Variants in TMEM178B observed in about 807,000 individuals in gnomAD.
TMEM178B encodes the protein transmembrane protein 178B.
In TMEM178B, 5 loss-of-function variants were observed where a neutral mutation model predicts 31.0. That is an observed-to-expected ratio of 0.16 (90% CI 0.08 to 0.34). TMEM178B has a LOEUF of 0.34. TMEM178B is among the 10% of genes least tolerant of loss of function. TMEM178B has a pLI of 1.00. For synonymous variants in TMEM178B, 164 were observed against 164.0 expected, an observed-to-expected ratio of 1.00 and a Z score of 0.00; for missense variants, 275 against 400.3, an observed-to-expected ratio of 0.69 and a Z score of 2.67.
chr7:141,203,418 G>A (rs1465462821), intron 1 of TMEM178B, among the ~76,000 whole-genome samples: 4 of 152,182 alleles, frequency 2.6e-5, no homozygotes, highest in South Asian at 2.1e-4. Context: ...GAGACCCCAC[G>A]TGGGCTGGAC....
At chr7:141,225,320 G>A (rs1797324014) in intron 2 of TMEM178B, among the ~76,000 whole-genome samples, 1 of 152,150 alleles carries the variant, frequency 6.6e-6, no homozygotes, top group African/African-American at 2.4e-5. Flanking sequence ...TCTAAAGTAA[G>A]TGAAGAACCC....
At chr7:141,492,729 A>T in the TMEM178B span, among the ~76,000 whole-genome samples, 1 of 152,186 alleles carries the variant, frequency 6.6e-6, no homozygotes, top group Non-Finnish European at 1.5e-5. Context: ...CAACTGCCTG[A>T]TATTAGAGCT....
chr7:141,171,017 T>TACAC lies in TMEM178B; in HGVS notation c.383-41529_383-41526dup, dbSNP rs57427295. ...GTTCAGACTACACATCACACACACA[T>TACAC]ACACACACACACACACACACACACA... On this transcript the variant is annotated intron_variant, in intron 1 of 3. Transcript: ENST00000565468. This position sits in a 1 kb window ranked among gnomAD's most constrained non-coding sequence, Gnocchi z 4.3. Among the ~76,000 whole-genome samples, 9 of 146,050 alleles carry TACAC rather than the reference T, an allele frequency of 6.2e-5. No individual in the cohort carries two copies. Among genetic ancestry groups the TACAC allele is most frequent in the African/African-American group, 2.0e-4 (8 of 39,544 alleles).
chr7:141,467,641 C>A (rs555127571), intron 3 of TMEM178B, among the ~76,000 whole-genome samples: 1 of 152,248 alleles, frequency 6.6e-6, no homozygotes, highest in Admixed American at 6.5e-5. Flanking sequence ...ATTGAAGTCA[C>A]CGAAGTGCCT....
downstream of TMEM178B, among the ~76,000 whole-genome samples, chr7:141,481,092 T>G (rs1802466604): frequency 6.6e-6 from 1 of 152,192 alleles, no homozygotes; most frequent in Non-Finnish European, 1.5e-5. Flanking sequence ...CAGTCACCGC[T>G]GCTGGACTCT....
chr7:141,329,253 A>G (rs1334478659), intron 2 of TMEM178B, among the ~76,000 whole-genome samples: 2 of 152,144 alleles, frequency 1.3e-5, no homozygotes, highest in Non-Finnish European at 2.9e-5. Flanking sequence ...CCACCCCTCA[A>G]ACTCTTCCCA....
At chr7:141,155,512 C>A (rs1431053972) in intron 1 of TMEM178B, among the ~76,000 whole-genome samples, 2 of 152,178 alleles carry the variant, frequency 1.3e-5, no homozygotes, top group Non-Finnish European at 2.9e-5. Context: ...GCTTTTGGTT[C>A]TGAGCTGTTG....
At chr7:141,393,931 A>G (rs1800591522) in intron 2 of TMEM178B, among the ~76,000 whole-genome samples, 1 of 152,218 alleles carries the variant, frequency 6.6e-6, no homozygotes, top group Non-Finnish European at 1.5e-5. Context: ...TCTTTAGACA[A>G]AGGGACAGCT....
chr7:141,470,412 T>C, intron 3 of TMEM178B, 124 bp from the exon 4 acceptor site: 2 of 1,018,674 alleles, frequency 2.0e-6, no homozygotes, highest in East Asian at 2.9e-5. Flanking sequence ...TACCTAGACT[T>C]CCCATTTTTC....
intron 2 of TMEM178B, among the ~76,000 whole-genome samples, chr7:141,279,937 A>G (rs1482186641): frequency 1.3e-5 from 2 of 152,262 alleles, no homozygotes; most frequent in Non-Finnish European, 2.9e-5. Context: ...GTAATACACA[A>G]TACTCTTTCA....
chr7:141,129,806 T>A (rs752212638), intron 1 of TMEM178B, among the ~76,000 whole-genome samples: 2 of 152,000 alleles, frequency 1.3e-5, no homozygotes, highest in African/African-American at 2.4e-5. Context: ...ATTTGAGAAA[T>A]ACATTGGTTT....
Position 141,344,500 on chromosome 7 carries a change from T to G in TMEM178B, c.497-93108T>G, listed in dbSNP as rs1169020552. On this transcript the variant is annotated intron_variant, in intron 2 of 3. Transcript: ENST00000565468. The surrounding 1 kb of genome is among the most constrained non-coding windows in gnomAD (Gnocchi z 4.1). ...AGGCACTCTTTTTACTTTGAAATTT[T>G]TAAAAATGTAATTTTAAGACTTTTT... is the stretch of plus-strand genomic sequence containing the variant. Among the ~76,000 whole-genome samples, 1 of 152,234 alleles carries G rather than the reference T, an allele frequency of 6.6e-6. No homozygotes were observed. Among genetic ancestry groups the G allele is most frequent in the South Asian group, 2.1e-4 (1 of 4,830 alleles).
chr7:141,198,739 A>G (rs974497032), intron 1 of TMEM178B, among the ~76,000 whole-genome samples: 41 of 152,168 alleles, frequency 2.7e-4, no homozygotes, highest in African/African-American at 9.7e-4. Flanking sequence ...TTTCCAGTGA[A>G]AAACCAGATC....
chr7:141,220,008 C>T (rs1051996076), intron 2 of TMEM178B, among the ~76,000 whole-genome samples: 3 of 152,042 alleles, frequency 2.0e-5, no homozygotes, highest in East Asian at 1.9e-4. Flanking sequence ...TTATAGGTAA[C>T]GTAGAGACGC....
chr7:141,452,659 G>A (rs1215553781), intron 3 of TMEM178B, among the ~76,000 whole-genome samples: 9 of 152,014 alleles, frequency 5.9e-5, no homozygotes, highest in South Asian at 2.1e-4. Flanking sequence ...CTGAGCCTGC[G>A]TTTTCTCATC....
chr7:141,312,081 G>A (rs1481755215), intron 2 of TMEM178B, among the ~76,000 whole-genome samples: 2 of 152,188 alleles, frequency 1.3e-5, no homozygotes, highest in Non-Finnish European at 2.9e-5. Flanking sequence ...GACCTCCTGG[G>A]TGGTCTTACT....
chr7:141,372,077 C>T (rs551456798), intron 2 of TMEM178B, among the ~76,000 whole-genome samples: 1 of 152,296 alleles, frequency 6.6e-6, no homozygotes, highest in African/African-American at 2.4e-5. Context: ...TTGCCTTCTC[C>T]TCACTGGTAC....
At chr7:141,130,392 C>A (rs1586786222) in intron 1 of TMEM178B, among the ~76,000 whole-genome samples, 1 of 152,178 alleles carries the variant, frequency 6.6e-6, no homozygotes. Flanking sequence ...TAAGAAAAAT[C>A]AGTGCTTACT....
chr7:141,314,131 C>T (rs1798960460), intron 2 of TMEM178B, among the ~76,000 whole-genome samples: 1 of 152,228 alleles, frequency 6.6e-6, no homozygotes, highest in Admixed American at 6.5e-5. Context: ...AGCTTCTTTG[C>T]TTGGAAACCC....
Sources: gnomAD v4.1 joint callset for allele counts (sites outside exome capture counted in the v4.1 genomes callset) on GRCh38, gnomAD v4.1.1 for gene constraint, Gnocchi (gnomAD v3.1) non-coding constraint, MANE v1.5 for transcripts, NCBI Gene and HGNC (gene_info 2026-07-23, HGNC 2026-07-21) for gene names.